The following DCLK1 variants were observed in gnomAD, a reference collection of about 807,000 sequenced individuals.
The protein encoded by DCLK1 is serine/threonine-protein kinase DCLK1.
DCLK1 carries 16 observed loss-of-function variants against 86.2 expected under a neutral mutation model. The observed-to-expected ratio is 0.19, with a 90% confidence interval of 0.13 to 0.28. The LOEUF (loss-of-function observed/expected upper bound fraction) is 0.28. Among genes scored for constraint, DCLK1 ranks in the 10% least tolerant of loss-of-function variants. The pLI, the probability that DCLK1 is intolerant of heterozygous loss-of-function variation, is 1.00. For missense variants in DCLK1, 590 were observed against 940.2 expected, an observed-to-expected ratio of 0.63 and a Z score of 4.87; for synonymous variants, 369 against 370.5, an observed-to-expected ratio of 1.00 and a Z score of 0.05.
chr13:35,834,784 C>A (rs544061561), intron 8 of DCLK1, among the ~76,000 whole-genome samples: 17 of 152,294 alleles, frequency 1.1e-4, no homozygotes, highest in African/African-American at 4.1e-4. Flanking sequence ...ATGACTCGTG[C>A]CCCTCCTGGA....
At chr13:35,789,847 A>G (rs978549275) in intron 16 of DCLK1, among the ~76,000 whole-genome samples, 4 of 152,026 alleles carry the variant, frequency 2.6e-5, no homozygotes, top group African/African-American at 9.7e-5. Flanking sequence ...ATGTCTATAA[A>G]TTGCATTTTA....
At chr13:35,896,371 A>G (rs200558561) in intron 4 of DCLK1, among the ~76,000 whole-genome samples, 1 of 151,816 alleles carries the variant, frequency 6.6e-6, no homozygotes, top group East Asian at 1.9e-4. Flanking sequence ...AAATCCTGTT[A>G]CTACTAAAAA....
rs564691617 is a variant in DCLK1, at chr13:35,802,388, A to G, written c.1944+3311T>C. 2.6e-5 allele frequency among the ~76,000 whole-genome samples: 4 copies of G among 151,790 alleles called. No individual in the cohort carries two copies. In the South Asian group the frequency reaches 8.3e-4, roughly 32 times the overall value. On this transcript the variant is annotated intron_variant, in intron 15 of 16. Coordinates refer to ENST00000360631, the MANE Select transcript of DCLK1 (RefSeq NM_001330071.2). ...TGTCACCTATGAATATCTTTCCTCT[A>G]TGGCTCTTCAGGAGCCTTTTAAGGC...
intron 4 of DCLK1, among the ~76,000 whole-genome samples, chr13:35,886,226 T>C (rs936190309): frequency 2.0e-5 from 3 of 152,102 alleles, no homozygotes; most frequent in Non-Finnish European, 4.4e-5. Flanking sequence ...TTAGCCAGAA[T>C]GGTCTTGATC....
intron 3 of DCLK1, among the ~76,000 whole-genome samples, chr13:36,095,969 T>C (rs1593886034): frequency 6.6e-6 from 1 of 152,204 alleles, no homozygotes; most frequent in African/African-American, 2.4e-5. Context: ...ACTAAATCAC[T>C]ATTTTATTTA....
At chr13:36,095,624 C>T (rs1462916756) in intron 3 of DCLK1, among the ~76,000 whole-genome samples, 3 of 152,122 alleles carry the variant, frequency 2.0e-5, no homozygotes, top group African/African-American at 7.2e-5. Context: ...AAGTAAATAT[C>T]ATGGACATAT....
At position 36,102,767 on chromosome 13, in the gene DCLK1, C is replaced by T. The variant is rs546597776; in HGVS notation, c.723+9102G>A. On this transcript the variant is annotated intron_variant, in intron 3 of 16. Transcript: ENST00000360631. ...CTGAGATAATTTTAACCTCCAATAA[C>T]TGATTACACTGAATAGCACCTCAAG... is the stretch of plus-strand genomic sequence containing the variant. 5.3e-5 allele frequency among the ~76,000 whole-genome samples: 8 copies of T among 152,314 alleles called. No individual in the cohort carries two copies. The South Asian group carries it at 1.5e-3, about 28-fold the overall frequency.
intron 3 of DCLK1, among the ~76,000 whole-genome samples, chr13:36,087,482 G>C (rs1377298303): frequency 6.6e-6 from 1 of 152,132 alleles, no homozygotes. Context: ...TTAGGTATTC[G>C]TTTGGTAATC....
intron 3 of DCLK1, among the ~76,000 whole-genome samples, chr13:36,033,634 A>G (rs1171004): frequency 0.28 from 42,458 of 152,098 alleles, 7,247 homozygotes; most frequent in Middle Eastern, 0.39. Context: ...CTGGCACTCA[A>G]TGACTATGAG....
intron 11 of DCLK1, among the ~76,000 whole-genome samples, chr13:35,815,410 T>C (rs533658875): frequency 6.6e-6 from 1 of 152,318 alleles, no homozygotes; most frequent in Non-Finnish European, 1.5e-5. Flanking sequence ...AACAGATGTG[T>C]TGGAACAAAC....
chr13:35,862,496 A>AT (rs1871476030), intron 5 of DCLK1, among the ~76,000 whole-genome samples: 1 of 151,992 alleles, frequency 6.6e-6, no homozygotes, highest in Non-Finnish European at 1.5e-5. Flanking sequence ...ATGTGTAGCA[A>AT]TTTTTTCCAC....
chr13:36,085,185 A>G (rs1337105626), intron 3 of DCLK1, among the ~76,000 whole-genome samples: 2 of 152,154 alleles, frequency 1.3e-5, no homozygotes, highest in African/African-American at 4.8e-5. Context: ...ACAAATGCCT[A>G]TATGCTCTGA....
intron 6 of DCLK1, chr13:35,845,835 T>C (rs2153108982): frequency 2.5e-6 from 2 of 787,014 alleles, no homozygotes; most frequent in African/African-American, 1.9e-5. Context: ...TTATCCCACA[T>C]GTGGTCATTT....
chr13:35,850,439 AT>A lies in DCLK1; in HGVS notation c.1035+4059del. ...CTTGTACTCAATATTGGGTCCGTGTATGAAATTCATCTAGAGCCAGGCCCTG... is the reference window on the plus strand; with the variant it reads ...CTTGTACTCAATATTGGGTCCGTGTAGAAATTCATCTAGAGCCAGGCCCTG... On this transcript the variant is annotated intron_variant, in intron 6 of 16. Transcript: ENST00000360631. 5 of 1,095,418 alleles carry A rather than the reference AT, an allele frequency of 4.6e-6. No individual in the cohort carries two copies. In the African/African-American group the frequency reaches 8.2e-5, roughly 18 times the overall value. The allele number at this position is 1,095,418 out of a possible 1,614,324, so 67.9% of individuals were successfully genotyped here. A position where few individuals can be genotyped will look rare whatever the true frequency, so the allele number is the denominator to read the frequency against.
At chr13:35,911,291 CAA>C (rs11295431) in intron 4 of DCLK1, among the ~76,000 whole-genome samples, 119 of 119,600 alleles carry the variant, frequency 9.9e-4, no homozygotes, top group Non-Finnish European at 9.1e-4. Flanking sequence ...GAGATTCCGT[CAA>C]AAAAAAAAAA....
At chr13:36,020,149 A>G (rs1881711972) in intron 3 of DCLK1, among the ~76,000 whole-genome samples, 1 of 152,172 alleles carries the variant, frequency 6.6e-6, no homozygotes, top group South Asian at 2.1e-4. Flanking sequence ...CTAGATGCAG[A>G]TGCTGGTGCC....
chr13:35,793,799 C>A (rs1246314517), intron 15 of DCLK1, among the ~76,000 whole-genome samples: 1 of 152,052 alleles, frequency 6.6e-6, no homozygotes, highest in East Asian at 1.9e-4. Flanking sequence ...TGTCAAAAAG[C>A]AAGTTAATCT....
In DCLK1 at chr13:35,906,018, G is replaced by A. The variant is rs191996305; in HGVS notation, c.824-34678C>T. Among the ~76,000 whole-genome samples the A allele has an allele frequency of 5.0e-3, 755 of 152,224 alleles. 4 individuals carry two copies. The highest frequency in any genetic ancestry group is 0.017 in the African/African-American group (718 of 41,530). On this transcript the variant is annotated intron_variant, in intron 4 of 16. Coordinates refer to ENST00000360631, the MANE Select transcript of DCLK1 (RefSeq NM_001330071.2). ...CTTAAAAATGGAAACAAACTGATCC[G>A]AATTTGTGTTTCATTGTTAGAATGT...
intron 3 of DCLK1, among the ~76,000 whole-genome samples, chr13:36,095,667 A>G (rs1373799954): frequency 6.6e-6 from 1 of 152,198 alleles, no homozygotes; most frequent in Non-Finnish European, 1.5e-5. Context: ...AAAATATGAG[A>G]GTCAAAGACT....
Sources: allele counts gnomAD v4.1 joint callset (sites outside exome capture counted in the v4.1 genomes callset), GRCh38; gene constraint gnomAD v4.1.1; transcripts MANE v1.5; gene names NCBI Gene and HGNC (gene_info 2026-07-23, HGNC 2026-07-21).